Variants in ZNFX1 observed in about 807,000 individuals in gnomAD.
ZNFX1 encodes the protein NFX1-type zinc finger-containing protein 1.
In ZNFX1, 78 loss-of-function variants were observed where a neutral mutation model predicts 179.8. That is an observed-to-expected ratio of 0.43 (90% CI 0.36 to 0.52). The LOEUF (loss-of-function observed/expected upper bound fraction) is 0.52, where lower values mean the gene tolerates loss of function less well. Among genes scored for constraint, ZNFX1 ranks in the 20% least tolerant of loss-of-function variants. The pLI is 0.00. For missense variants in ZNFX1, 1,927 were observed against 2,386.6 expected (o/e 0.81, Z 4.01); for synonymous variants, 848 against 868.5 (o/e 0.98, Z 0.42).
chr20:49,264,602 T>C, intron 5 of ZNFX1, 114 bp downstream of exon 5: 1 of 1,356,278 alleles, frequency 7.4e-7, no homozygotes, highest in Non-Finnish European at 1.0e-6. Context: ...ACCTGGGTCC[T>C]CCAGAGCTTT....
At chr20:49,254,042 T>C (rs75098363) in intron 10 of ZNFX1, among the ~76,000 whole-genome samples, 48 of 133,462 alleles carry the variant, frequency 3.6e-4, no homozygotes, top group Admixed American at 3.1e-3. Flanking sequence ...TTTTTTTTTT[T>C]CTTTGAGACA....
At position 49,249,402 on chromosome 20, in the gene ZNFX1, C is replaced by T; in HGVS notation, c.3622G>A (p.Val1208Met). ...SLVRSNQEGKVGFLQISNRIC... is the reference protein window; with the variant it reads ...SLVRSNQEGKMGFLQISNRIC... Reference sequence around the variant, plus strand: ...CGGTTGGATATCTGCAGAAAACCCACCTTGCCTTCTTGGTTGCTCCGCACT... The same window carrying T: ...CGGTTGGATATCTGCAGAAAACCCATCTTGCCTTCTTGGTTGCTCCGCACT... Residue 1208 changes from valine to methionine, a missense_variant, in exon 14 of 14, where the codon GTG becomes ATG. Val to Met is a conservative substitution (Grantham distance 21, BLOSUM62 1). Coordinates refer to ENST00000396105, the MANE Select transcript of ZNFX1 (RefSeq NM_021035.3). 6.2e-7 allele frequency: 1 copy of T among 1,614,248 alleles called. No homozygotes were observed. Among genetic ancestry groups the T allele is most frequent in the South Asian group, 1.1e-5 (1 of 91,088 alleles).
At position 49,276,862 on chromosome 20, in the gene ZNFX1, T is replaced by C. The variant is rs1050555507; in HGVS notation, c.-48-975A>G. On this transcript the variant is annotated intron_variant, in intron 1 of 13. Transcript: ENST00000396105. Reference sequence around the variant, plus strand: ...CTCTGGTGAGTCCCCTCCCTCATCTTATCAAACCCAGCCCTCCTGGCGCAG... The same window carrying C: ...CTCTGGTGAGTCCCCTCCCTCATCTCATCAAACCCAGCCCTCCTGGCGCAG... 2.0e-5 allele frequency among the ~76,000 whole-genome samples: 3 copies of C among 152,242 alleles called. No individual in the cohort carries two copies. The East Asian group carries it at 5.8e-4, about 29-fold the overall frequency.
chr20:49,271,508 C>T lies in ZNFX1; in HGVS notation c.304G>A (p.Asp102Asn). Residue 102 changes from aspartate to asparagine, a missense_variant, in exon 3 of 14, where the codon GAC becomes AAC. Asp to Asn is a conservative substitution (Grantham distance 23). Coordinates refer to ENST00000396105, the MANE Select transcript of ZNFX1 (RefSeq NM_021035.3). ...ARDQRHDQENDTRWRNGNQDC... is the reference protein window; with the variant it reads ...ARDQRHDQENNTRWRNGNQDC... The stretch of plus-strand genomic sequence containing the variant: ...TGGTTGCCATTTCTCCACCTGGTGT[C>T]ATTCTCCTGGTCATGTCTTTGGTCT... 6.2e-7 allele frequency: 1 copy of T among 1,614,186 alleles called. No homozygotes were observed. Among genetic ancestry groups the T allele is most frequent in the African/African-American group, 1.3e-5 (1 of 75,036 alleles).
chr20:49,251,516 G>C lies in ZNFX1; in HGVS notation c.3312+11C>G. 6.2e-7 allele frequency: 1 copy of C among 1,607,244 alleles called. No homozygotes were observed. Among genetic ancestry groups the C allele is most frequent in the Non-Finnish European group, 8.5e-7 (1 of 1,175,588 alleles). On this transcript the variant is annotated intron_variant, in intron 13 of 13. Transcript: ENST00000396105. ...ACACCATCCAAGAAAGATCGGGTAA[G>C]ACAGACTCACCTTAATCTTCTCATA...
chr20:49,266,642 A>C (rs1164973191), intron 3 of ZNFX1, among the ~76,000 whole-genome samples: 1 of 151,648 alleles, frequency 6.6e-6, no homozygotes, highest in African/African-American at 2.4e-5. Flanking sequence ...TTCTCTATCA[A>C]TACATAGGAG....
chr20:49,272,317 C>G (rs1981432401), intron 2 of ZNFX1, among the ~76,000 whole-genome samples: 1 of 151,952 alleles, frequency 6.6e-6, no homozygotes, highest in African/African-American at 2.4e-5. Flanking sequence ...GCTGGGATTA[C>G]ACACACCTGC....
chr20:49,251,620 G>A lies in ZNFX1; in HGVS notation c.3219C>T (p.His1073=). The change falls in exon 13 of 14, where the codon CAC becomes CAT. Residue 1073 remains histidine, a splice_region_variant and synonymous_variant. Transcript: ENST00000396105. ...GGCGGGCAATTTCAGGGCACATACG[G>A]TGCTGAAAAAACACATGCATGTCAT... ...NIPFVRLNYQ[H]RMCPEIARLL... 1 of 1,607,638 alleles carries A rather than the reference G, an allele frequency of 6.2e-7. No homozygotes were observed. Among genetic ancestry groups the A allele is most frequent in the Non-Finnish European group, 8.5e-7 (1 of 1,177,490 alleles).
chr20:49,275,894 A>T lies in ZNFX1; in HGVS notation c.-48-7T>A, dbSNP rs953823993. 21 of 1,588,988 alleles carry T rather than the reference A, an allele frequency of 1.3e-5. 1 individual carries two copies. The South Asian group carries it at 2.2e-4, about 17-fold the overall frequency. On this transcript the variant is annotated splice_region_variant and splice_polypyrimidine_tract_variant and intron_variant, in intron 1 of 13. Transcript: ENST00000396105. ...CTTTCTGTTATCTGGAAAACTGCAC[A>T]TGTTGAGTTATCAGTGTCCTCGAAA...
At chr20:49,272,272 G>A (rs1488947432) in intron 2 of ZNFX1, among the ~76,000 whole-genome samples, 2 of 151,126 alleles carry the variant, frequency 1.3e-5, no homozygotes, top group African/African-American at 2.4e-5. Flanking sequence ...CTGCCTCCTA[G>A]GTTCAAGTGA....
Position 49,270,249 on chromosome 20 carries a change from T to C in ZNFX1, c.1563A>G (p.Gly521=). The C allele has an allele frequency of 1.9e-6, 3 of 1,613,944 alleles. No individual in the cohort carries two copies. Among genetic ancestry groups the C allele is most frequent in the Non-Finnish European group, 2.5e-6 (3 of 1,179,974 alleles). The change falls in exon 3 of 14, where the codon GGA becomes GGG. Residue 521 remains glycine, a synonymous_variant. Transcript: ENST00000396105. The surrounding 1 kb of genome is among the most constrained non-coding windows in gnomAD (Gnocchi z 4.6). ...YFEAYRHVLE[G]LQEVQEEDVP... ...CATCTTCCTCCTGGACCTCCTGGAG[T>C]CCTTCCAGGACGTGCCTGTAGGCCT...
Position 49,247,657 on chromosome 20 carries a change from A to G in ZNFX1, c.5367T>C (p.Tyr1789=). 4 of 1,614,222 alleles carry G rather than the reference A, an allele frequency of 2.5e-6. No individual in the cohort carries two copies. The highest frequency in any genetic ancestry group is 8.5e-7 in the Non-Finnish European group (1 of 1,180,040). Residue 1789 remains tyrosine (Y), a synonymous_variant, in exon 14 of 14, where the codon TAT becomes TAC. Coordinates refer to ENST00000396105, the MANE Select transcript of ZNFX1 (RefSeq NM_021035.3). The part of the protein sequence containing the change: ...KVKDSIAVEV[Y]SVQNILEKTC... The stretch of plus-strand genomic sequence containing the variant: ...TTTTCTCAAGGATATTCTGGACACT[A>G]TAGACCTCTACTGCTATGCTATCTT...
At chr20:49,269,700 A>C (rs183532197) in intron 3 of ZNFX1, among the ~76,000 whole-genome samples, 1 of 152,294 alleles carries the variant, frequency 6.6e-6, no homozygotes. Flanking sequence ...TGACGACAAC[A>C]AAAAACTACC....
chr20:49,274,095 T>A (rs1187550980), intron 2 of ZNFX1, among the ~76,000 whole-genome samples: 2 of 152,240 alleles, frequency 1.3e-5, no homozygotes, highest in African/African-American at 4.8e-5. Context: ...ATAATTCCTT[T>A]AGTAGAGTGA....
intron 6 of ZNFX1, among the ~76,000 whole-genome samples, 183 bp from the exon 7 acceptor site, chr20:49,260,760 G>A (rs986634348): frequency 2.6e-5 from 4 of 152,030 alleles, no homozygotes; most frequent in South Asian, 2.1e-4. Flanking sequence ...TGGGCAATAC[G>A]GTGAGACCCT....
chr20:49,254,654 A>T lies in ZNFX1; in HGVS notation c.2805-5T>A, dbSNP rs1980924967. The T allele has an allele frequency of 1.2e-6, 2 of 1,612,568 alleles. No individual in the cohort carries two copies. Among genetic ancestry groups the T allele is most frequent in the East Asian group, 4.5e-5 (2 of 44,866 alleles). On this transcript the variant is annotated splice_region_variant and splice_polypyrimidine_tract_variant and intron_variant, in intron 9 of 13. Transcript: ENST00000396105. ...TGGTACAACTGTAGCCAGAGCCTGG[A>T]GAATGGGAAGAACCAAGGAAAGAAA... is the stretch of plus-strand genomic sequence containing the variant.
At chr20:49,264,578 G>T in intron 5 of ZNFX1, 138 bp downstream of exon 5, 1 of 1,055,858 alleles carries the variant, frequency 9.5e-7, no homozygotes, top group Non-Finnish European at 1.4e-6. Context: ...TGGCAGAATA[G>T]AATGCTGAAA....
intron 9 of ZNFX1, among the ~76,000 whole-genome samples, chr20:49,254,941 A>C (rs1980932171): frequency 6.6e-6 from 1 of 152,122 alleles, no homozygotes; most frequent in African/African-American, 2.4e-5. Flanking sequence ...ATCCCTGCCT[A>C]ATTTCCCTCC....
chr20:49,263,129 A>T (rs1355346826), intron 6 of ZNFX1, among the ~76,000 whole-genome samples: 3 of 152,242 alleles, frequency 2.0e-5, no homozygotes, highest in Non-Finnish European at 4.4e-5. Flanking sequence ...TCCAGAGCCA[A>T]GCTCAGACTA....
Sources: gnomAD v4.1 joint callset for allele counts (sites outside exome capture counted in the v4.1 genomes callset) on GRCh38, gnomAD v4.1.1 for gene constraint, Gnocchi (gnomAD v3.1) non-coding constraint, MANE v1.5 for transcripts, NCBI Gene and HGNC (gene_info 2026-07-23, HGNC 2026-07-21) for gene names.